Variants in PLXDC2 observed in about 807,000 individuals in gnomAD.
PLXDC2 encodes plexin domain containing 2.
Under a neutral mutation model 68.9 loss-of-function variants are expected in PLXDC2, and 40 were observed. That is an observed-to-expected ratio of 0.58 (90% confidence interval 0.45 to 0.76). The LOEUF is 0.76. PLXDC2 is among the 30% of genes least tolerant of loss of function. The pLI is 0.00. For synonymous variants in PLXDC2, 243 were observed against 234.2 expected (o/e 1.04, Z -0.34); for missense variants, 644 against 661.9 (o/e 0.97, Z 0.30).
At chr10:20,188,508 T>C (rs2131836474) in intron 9 of PLXDC2, among the ~76,000 whole-genome samples, 1 of 151,844 alleles carries the variant, frequency 6.6e-6, no homozygotes, top group South Asian at 2.1e-4. Context: ...GGGATTTGGC[T>C]TTTTAATAAG....
intron 4 of PLXDC2, among the ~76,000 whole-genome samples, chr10:20,140,801 ATATTCCCTGAAT>A (rs1833996781): frequency 6.6e-6 from 1 of 152,086 alleles, no homozygotes; most frequent in East Asian, 1.9e-4. Flanking sequence ...AAAACAAACA[ATATTCCCTGAAT>A]TAGTAAAATT....
At chr10:20,054,912 A>G (rs1419729967) in intron 3 of PLXDC2, among the ~76,000 whole-genome samples, 2 of 152,168 alleles carry the variant, frequency 1.3e-5, no homozygotes, top group African/African-American at 4.8e-5. Context: ...ATAGGTCTAT[A>G]TATTTCTATT....
At position 20,108,305 on chromosome 10, in the gene PLXDC2, T is replaced by A. The variant is rs1197130184; in HGVS notation, c.542-34990T>A. The stretch of plus-strand genomic sequence containing the variant: ...TCCCTTCTCAGATAAGCCTGGGGAT[T>A]ACCACATACCAATTTTCCTTCTTGG... On this transcript the variant is annotated intron_variant, in intron 4 of 13. Coordinates refer to ENST00000377252, the MANE Select transcript of PLXDC2 (RefSeq NM_032812.9). Among the ~76,000 whole-genome samples the A allele has an allele frequency of 2.0e-5, 3 of 152,274 alleles. No homozygotes were observed. The East Asian group carries it at 5.8e-4, about 29-fold the overall frequency.
At chr10:19,851,431 C>T (rs371765139) in intron 1 of PLXDC2, among the ~76,000 whole-genome samples, 32 of 152,304 alleles carry the variant, frequency 2.1e-4, no homozygotes, top group African/African-American at 7.0e-4. Context: ...TGTTTTAGTA[C>T]CTCTCTTGTC....
chr10:20,273,562 A>G (rs974168395), intron 13 of PLXDC2, among the ~76,000 whole-genome samples: 2 of 152,220 alleles, frequency 1.3e-5, no homozygotes, highest in African/African-American at 4.8e-5. Flanking sequence ...ACATATATAC[A>G]TATCATATGT....
chr10:19,832,518 C>T (rs1311830022), intron 1 of PLXDC2, among the ~76,000 whole-genome samples: 1 of 152,172 alleles, frequency 6.6e-6, no homozygotes, highest in Admixed American at 6.5e-5. Context: ...AAACATATGA[C>T]ATTTCATGAT....
chr10:19,895,195 T>A (rs1037663051), intron 1 of PLXDC2, among the ~76,000 whole-genome samples: 2 of 152,092 alleles, frequency 1.3e-5, no homozygotes, highest in Admixed American at 6.6e-5. Flanking sequence ...GAAGTCATAA[T>A]TGTATCTAAG....
intron 12 of PLXDC2, among the ~76,000 whole-genome samples, chr10:20,244,889 G>A (rs1835568325): frequency 6.6e-6 from 1 of 152,194 alleles, no homozygotes; most frequent in Non-Finnish European, 1.5e-5. Context: ...GCTGAGGCAG[G>A]CGGATCACCT....
intron 10 of PLXDC2, among the ~76,000 whole-genome samples, chr10:20,217,136 A>G (rs1375297357): frequency 6.6e-6 from 1 of 152,186 alleles, no homozygotes; most frequent in Non-Finnish European, 1.5e-5. Flanking sequence ...AAATATACCA[A>G]TGTAAAATTT....
At position 20,143,325 on chromosome 10, in the gene PLXDC2, G is replaced by A. The variant is rs768383816; in HGVS notation, c.572G>A (p.Arg191Gln). 4.8e-5 allele frequency: 77 copies of A among 1,612,618 alleles called. No homozygotes were observed. The highest frequency in any genetic ancestry group is 5.9e-5 in the Non-Finnish European group (70 of 1,179,170). The change falls in exon 5 of 14, where the codon CGA becomes CAA. Residue 191 changes from arginine to glutamine, a missense_variant. Arg to Gln is a conservative substitution (Grantham distance 43). Around this residue, in one of 3 missense-constraint regions of PLXDC2, gnomAD observed 113 missense variants for 167.1 expected, o/e 0.68. Coordinates refer to ENST00000377252, the MANE Select transcript of PLXDC2 (RefSeq NM_032812.9). ...ATATACACTGGAGAAGTCGTACATCGAATGCTAACAGCCACACAGTACATA... is the reference window on the plus strand; with the variant it reads ...ATATACACTGGAGAAGTCGTACATCAAATGCTAACAGCCACACAGTACATA... ...GFIYTGEVVH[R>Q]MLTATQYIAP... is the part of the protein sequence containing the mutation.
At chr10:19,952,046 G>A (rs186970914) in intron 1 of PLXDC2, among the ~76,000 whole-genome samples, 2 of 152,128 alleles carry the variant, frequency 1.3e-5, no homozygotes, top group Non-Finnish European at 2.9e-5. Context: ...TGGGTACTAT[G>A]CTCAGTACTT....
intron 4 of PLXDC2, among the ~76,000 whole-genome samples, chr10:20,138,670 T>C (rs1219696175): frequency 6.6e-6 from 1 of 152,172 alleles, no homozygotes; most frequent in Non-Finnish European, 1.5e-5. Context: ...CCCAGCACTT[T>C]GGGAGGCCAA....
chr10:19,932,908 C>T (rs1011044444), intron 1 of PLXDC2, among the ~76,000 whole-genome samples: 1 of 152,124 alleles, frequency 6.6e-6, no homozygotes, highest in African/African-American at 2.4e-5. Context: ...ATCTGGAGAA[C>T]AGGGGACGGG....
chr10:19,901,140 T>C (rs1384649487), intron 1 of PLXDC2, among the ~76,000 whole-genome samples: 1 of 152,100 alleles, frequency 6.6e-6, no homozygotes, highest in Non-Finnish European at 1.5e-5. Flanking sequence ...TAAACATGTG[T>C]GTGCCAGTAT....
chr10:20,073,437 G>T (rs1220085722), intron 4 of PLXDC2, among the ~76,000 whole-genome samples: 1 of 152,094 alleles, frequency 6.6e-6, no homozygotes, highest in African/African-American at 2.4e-5. Context: ...GCCCCTCTTT[G>T]TATGTTGTAT....
chr10:19,840,428 T>C (rs942078606), intron 1 of PLXDC2, among the ~76,000 whole-genome samples: 2 of 152,150 alleles, frequency 1.3e-5, no homozygotes, highest in Non-Finnish European at 2.9e-5. Context: ...TTATATTATT[T>C]TTGAAGGTCA....
intron 2 of PLXDC2, among the ~76,000 whole-genome samples, chr10:20,002,409 G>A (rs1286396043): frequency 6.6e-6 from 1 of 151,966 alleles, no homozygotes; most frequent in Non-Finnish European, 1.5e-5. Flanking sequence ...ACAGGCGCAT[G>A]CCACCACTTT....
intron 1 of PLXDC2, among the ~76,000 whole-genome samples, chr10:19,824,412 A>C (rs2131997589): frequency 6.6e-6 from 1 of 152,332 alleles, no homozygotes; most frequent in Middle Eastern, 3.4e-3. Context: ...AGATGGGAAA[A>C]AAGCAAATAA....
intron 3 of PLXDC2, among the ~76,000 whole-genome samples, chr10:20,064,261 C>T (rs190597922): frequency 3.2e-4 from 48 of 150,674 alleles, no homozygotes; most frequent in African/African-American, 1.0e-3. Flanking sequence ...TGCTCTGTCA[C>T]CCAGGCTGGA....
Sources: allele counts gnomAD v4.1 joint callset (sites outside exome capture counted in the v4.1 genomes callset), GRCh38; gene constraint gnomAD v4.1.1; regional missense constraint gnomAD v4.1.1; transcripts MANE v1.5; gene names NCBI Gene and HGNC (gene_info 2026-07-23, HGNC 2026-07-21).